The following LMF2 variants were observed in gnomAD, a reference collection of about 807,000 sequenced individuals.
LMF2 encodes the protein lipase maturation factor 2, also known as transmembrane protein 112B.
LMF2 carries 113 observed loss-of-function variants against 81.5 expected under a neutral mutation model. The ratio of observed to expected loss-of-function variants is 1.39; its 90% CI spans 1.19 to 1.62. The LOEUF (loss-of-function observed/expected upper bound fraction) is 1.62. Among genes scored for constraint, LMF2 ranks in the 40% most tolerant of loss-of-function variants. LMF2 has a pLI of 0.00. For missense variants in LMF2, 1,235 were observed against 929.1 expected, an observed-to-expected ratio of 1.33 and a Z score of -4.28; for synonymous variants, 645 against 424.5, an observed-to-expected ratio of 1.52 and a Z score of -6.39.
intron 6 of LMF2, 44 bp downstream of exon 6, chr22:50,505,630 G>T: frequency 6.2e-7 from 1 of 1,611,564 alleles, no homozygotes; most frequent in Non-Finnish European, 8.5e-7. Context: ...GTGTTGGAGG[G>T]GAGAACCCCT....
At position 50,505,496 on chromosome 22, in the gene LMF2, C is replaced by G; in HGVS notation, c.958G>C (p.Glu320Gln). 6.2e-7 allele frequency: 1 copy of G among 1,612,788 alleles called. No homozygotes were observed. Among genetic ancestry groups the G allele is most frequent in the Non-Finnish European group, 8.5e-7 (1 of 1,180,024 alleles). ...ALLATLSLLL[E>Q]LAVYGLLAYG... ...GCCAGAAGCCCGTAGACGGCTAGTT[C>G]CAGCAGCAGCGACAGGGTGGCCAGC... The change falls in exon 7 of 14, where the codon GAA becomes CAA. Residue 320 changes from glutamate (E) to glutamine (Q), a missense_variant. Glu to Gln is a conservative substitution (Grantham distance 29). Transcript: ENST00000474879.
chr22:50,506,689 G>T (rs775873097), intron 2 of LMF2, 23 bp from the exon 3 acceptor site: 1 of 1,613,632 alleles, frequency 6.2e-7, no homozygotes, highest in Non-Finnish European at 8.5e-7. Flanking sequence ...GGGCTGTCAG[G>T]GAGCGGGTGT....
rs751923374 is a variant in LMF2 at position 50,507,667 on chromosome 22, G to T, written c.9C>A (p.Gly3=). Reference sequence around the variant, plus strand: ...GGAAGAGCTGCCGCGGGAGCCGGGAGCCCGCCATGTCCGCTACGCGGCCCG... The same window carrying T: ...GGAAGAGCTGCCGCGGGAGCCGGGATCCCGCCATGTCCGCTACGCGGCCCG... The part of the protein sequence containing the change: MA[G]SRLPRQLFLQ... The change falls in exon 1 of 14, where the codon GGC becomes GGA. Residue 3 remains glycine, a synonymous_variant. Transcript: ENST00000474879. 2 of 1,549,330 alleles carry T rather than the reference G, an allele frequency of 1.3e-6. No homozygotes were observed. The highest frequency in any genetic ancestry group is 2.7e-5 in the African/African-American group (2 of 73,082).
Position 50,505,100 on chromosome 22 carries a change from G to A in LMF2, c.1211C>T (p.Ser404Phe), listed in dbSNP as rs373206674. 8 of 1,612,978 alleles carry A rather than the reference G, an allele frequency of 5.0e-6. No individual in the cohort carries two copies. Among genetic ancestry groups the A allele is most frequent in the Non-Finnish European group, 6.8e-6 (8 of 1,179,996 alleles). ...LRKLSAVVQL[S>F]LVGTATVALF... ...GGCCACGGTCGCAGTGCCCACAAGG[G>A]ACAGTTGGACTACAGCACTGAGCTT... Residue 404 changes from serine to phenylalanine, a missense_variant, in exon 9 of 14, where the codon TCC (serine) becomes TTC (phenylalanine). Transcript: ENST00000474879.
Position 50,503,312 on chromosome 22 carries a change from G to A in LMF2, c.*79C>T, listed in dbSNP as rs2068453784. ...CCTGCAGGGTCAGCTAAGGCACAGT[G>A]GCTGGGTCCTGTCCTGCCGGAGGCC... On this transcript the variant is annotated 3_prime_UTR_variant, in exon 14 of 14. Transcript: ENST00000474879. The A allele has an allele frequency of 2.0e-5, 29 of 1,484,014 alleles. 1 individual carries two copies. In the South Asian group the frequency reaches 3.0e-4, roughly 15 times the overall value. 91.9% of individuals were successfully genotyped at this position (1,484,014 alleles called of 1,614,324 possible).
rs1258479566 is a variant in LMF2 at position 50,505,161 on chromosome 22, C to T, written c.1158-8G>A. Reference sequence around the variant, plus strand: ...CCCCGCACCTGGGTCCACCTGTGGGCAAGGACCCAAGGTCGTCAGGCCGGC... The same window carrying T: ...CCCCGCACCTGGGTCCACCTGTGGGTAAGGACCCAAGGTCGTCAGGCCGGC... On this transcript the variant is annotated splice_region_variant and splice_polypyrimidine_tract_variant and intron_variant, in intron 8 of 13. Coordinates refer to ENST00000474879, the MANE Select transcript of LMF2 (RefSeq NM_033200.3). The T allele has an allele frequency of 3.1e-6, 5 of 1,612,882 alleles. No individual in the cohort carries two copies. The highest frequency in any genetic ancestry group is 4.2e-6 in the Non-Finnish European group (5 of 1,179,906).
rs765467876 is a variant in LMF2 at position 50,505,783 on chromosome 22, G to A, written c.807C>T (p.Gly269=). The A allele has an allele frequency of 8.1e-6, 13 of 1,613,222 alleles. No homozygotes were observed. Among genetic ancestry groups the A allele is most frequent in the Admixed American group, 1.7e-5 (1 of 60,020 alleles). Residue 269 remains glycine, a synonymous_variant, in exon 6 of 14, where the codon GGC becomes GGT. Coordinates refer to ENST00000474879, the MANE Select transcript of LMF2 (RefSeq NM_033200.3). ...TCATCAGGTTGAAGAAGTTGTAGTT[G>A]CCGGTGATGATAATCAGGACCTGCA... ...VLLQVLIIIT[G]NYNFFNLMTL...
chr22:50,506,147 G>C lies in LMF2; in HGVS notation c.662C>G (p.Pro221Arg). ...TPAAWFAHHL[P>R]VWLHKLSVVA... ...CACGCTGAGCTTGTGCAGCCAGACCGGCAGGTGGTGTGCGAACCAGGCGGC... is the reference window on the plus strand; with the variant it reads ...CACGCTGAGCTTGTGCAGCCAGACCCGCAGGTGGTGTGCGAACCAGGCGGC... Residue 221 changes from proline to arginine, a missense_variant, in exon 5 of 14, where the codon CCG (proline) becomes CGG (arginine). Transcript: ENST00000474879. 3 of 1,571,422 alleles carry C rather than the reference G, an allele frequency of 1.9e-6. No individual in the cohort carries two copies. The highest frequency in any genetic ancestry group is 1.2e-5 in the South Asian group (1 of 85,904).
intron 13 of LMF2, 26 bp from the exon 14 acceptor site, chr22:50,503,725 G>A (rs982498266): frequency 2.0e-5 from 32 of 1,580,908 alleles, no homozygotes; most frequent in Non-Finnish European, 2.3e-5. Flanking sequence ...AGGGAGGGAG[G>A]TTGGGGAAGT....
In LMF2 at chr22:50,507,038, G is replaced by C. The variant is rs758796122; in HGVS notation, c.95-3C>G. 1.2e-5 allele frequency: 19 copies of C among 1,587,954 alleles called. No homozygotes were observed. The highest frequency in any genetic ancestry group is 4.5e-5 in the East Asian group (2 of 44,698). Reference sequence around the variant, plus strand: ...GATGCCCTCGGGGCCATACAGGCCTGTGGGAGGGCATGTCATGGCCAGGCC... The same window carrying C: ...GATGCCCTCGGGGCCATACAGGCCTCTGGGAGGGCATGTCATGGCCAGGCC... On this transcript the variant is annotated splice_region_variant and splice_polypyrimidine_tract_variant and intron_variant, in intron 1 of 13. Transcript: ENST00000474879.
At chr22:50,507,204 C>CA in intron 1 of LMF2, 169 bp from the exon 2 acceptor site, 2 of 1,152,360 alleles carry the variant, frequency 1.7e-6, no homozygotes, top group Non-Finnish European at 2.4e-6. Context: ...CGGGACCTGT[C>CA]AAAACCCCGT....
rs532661790 is a variant in LMF2, at chr22:50,503,305, G to A, written c.*86C>T. Reference sequence around the variant, plus strand: ...GCCTGGCCCTGCAGGGTCAGCTAAGGCACAGTGGCTGGGTCCTGTCCTGCC... The same window carrying A: ...GCCTGGCCCTGCAGGGTCAGCTAAGACACAGTGGCTGGGTCCTGTCCTGCC... On this transcript the variant is annotated 3_prime_UTR_variant, in exon 14 of 14. Transcript: ENST00000474879. 2.0e-3 allele frequency: 2,884 copies of A among 1,436,166 alleles called. 46 individuals are homozygous for A. The highest frequency in any genetic ancestry group is 6.6e-4 in the Non-Finnish European group (693 of 1,049,912). The allele number at this position is 1,436,166 out of a possible 1,614,324, so 89.0% of individuals were successfully genotyped here. A position where few individuals can be genotyped will look rare whatever the true frequency, so the allele number is the denominator to read the frequency against.
rs768214132 is a variant in LMF2 at position 50,507,634 on chromosome 22, G to A, written c.42C>T (p.Gly14=). ...SRLPRQLFLQ[G]VAAVFMFAFA... ...AAGCAAACATGAAGACGGCCGCCAC[G>A]CCCTGGAGGAAGAGCTGCCGCGGGA... Residue 14 remains glycine, a synonymous_variant, in exon 1 of 14, where the codon GGC becomes GGT. Transcript: ENST00000474879. The A allele has an allele frequency of 4.6e-5, 71 of 1,556,174 alleles. No homozygotes were observed. The highest frequency in any genetic ancestry group is 6.1e-5 in the Non-Finnish European group (70 of 1,150,728).
Position 50,505,297 on chromosome 22 carries a change from T to G in LMF2, c.1089A>C (p.Thr363=), listed in dbSNP as rs2068529105. 7 of 1,613,138 alleles carry G rather than the reference T, an allele frequency of 4.3e-6. No individual in the cohort carries two copies. The highest frequency in any genetic ancestry group is 5.9e-6 in the Non-Finnish European group (7 of 1,180,012). The change falls in exon 8 of 14, where the codon ACA becomes ACC. Residue 363 remains threonine, a synonymous_variant. Coordinates refer to ENST00000474879, the MANE Select transcript of LMF2 (RefSeq NM_033200.3). The part of the protein sequence containing the change: ...TFHQFSQWLK[T]LTLPTVWLGV... ...CCAGCCACACAGTGGGCAGCGTCAG[T>G]GTCTTCAGCCACTGAGAAAACTGGT...
At position 50,507,041 on chromosome 22, in the gene LMF2, G is replaced by A. The variant is rs532182397; in HGVS notation, c.95-6C>T. On this transcript the variant is annotated splice_region_variant and splice_polypyrimidine_tract_variant and intron_variant, in intron 1 of 13. Transcript: ENST00000474879. ...GCCCTCGGGGCCATACAGGCCTGTG[G>A]GAGGGCATGTCATGGCCAGGCCCTG... 4.4e-6 allele frequency: 7 copies of A among 1,587,106 alleles called. No homozygotes were observed. Among genetic ancestry groups the A allele is most frequent in the Admixed American group, 1.7e-5 (1 of 58,952 alleles).
At position 50,504,997 on chromosome 22, in the gene LMF2, G is replaced by A. The variant is rs769018674; in HGVS notation, c.1255-13C>T. 3.4e-5 allele frequency: 55 copies of A among 1,610,570 alleles called. No individual in the cohort carries two copies. Among genetic ancestry groups the A allele is most frequent in the Non-Finnish European group, 4.1e-5 (48 of 1,178,366 alleles). ...AGGAGTACGGCACCTGGAGACAGGT[G>A]GGAGGTTCTCAGGGCTGCCCTGCCC... On this transcript the variant is annotated splice_polypyrimidine_tract_variant and intron_variant, in intron 9 of 13. Coordinates refer to ENST00000474879, the MANE Select transcript of LMF2 (RefSeq NM_033200.3).
In LMF2 at chr22:50,503,708, G is replaced by C; in HGVS notation, c.1816-9C>G. 5 of 1,567,738 alleles carry C rather than the reference G, an allele frequency of 3.2e-6. No homozygotes were observed. Among genetic ancestry groups the C allele is most frequent in the Non-Finnish European group, 4.3e-6 (5 of 1,155,014 alleles). On this transcript the variant is annotated splice_polypyrimidine_tract_variant and intron_variant, in intron 13 of 13. Transcript: ENST00000474879. ...CGAGGTGGGCTTTTCTCCTGTGGGAGGGAGGGAGGGAGGGAGGTTGGGGAA... is the reference window on the plus strand; with the variant it reads ...CGAGGTGGGCTTTTCTCCTGTGGGACGGAGGGAGGGAGGGAGGTTGGGGAA...
In LMF2 at chr22:50,503,979, C is replaced by T. The variant is rs2068477432; in HGVS notation, c.1719-75G>A. The T allele has an allele frequency of 3.3e-5, 44 of 1,347,752 alleles. No individual in the cohort carries two copies. The South Asian group carries it at 4.8e-4, about 15-fold the overall frequency. 83.5% of individuals were successfully genotyped at this position (1,347,752 alleles called of 1,614,324 possible). A position where few individuals can be genotyped will look rare whatever the true frequency, so the allele number is the denominator to read the frequency against. ...CCCCATCGCCAGTGCCCAGCCTTAC[C>T]CCTGCTCCTCAGCTCCTCACGCTCC... is the stretch of plus-strand genomic sequence containing the variant. On this transcript the variant is annotated intron_variant, in intron 12 of 13. Coordinates refer to ENST00000474879, the MANE Select transcript of LMF2 (RefSeq NM_033200.3).
At position 50,506,366 on chromosome 22, in the gene LMF2, G is replaced by A. The variant is rs1017594736; in HGVS notation, c.514C>T (p.Arg172Ter). The A allele has an allele frequency of 4.5e-6, 7 of 1,549,544 alleles. No individual in the cohort carries two copies. Among genetic ancestry groups the A allele is most frequent in the Middle Eastern group, 1.7e-4 (1 of 5,992 alleles). The change falls in exon 4 of 14, where the codon CGA (arginine) becomes TGA (stop). Residue 172 changes from arginine (R) to a stop codon, truncating the protein, a stop_gained. Coordinates refer to ENST00000474879, the MANE Select transcript of LMF2 (RefSeq NM_033200.3). LOFTEE classifies it high-confidence loss of function. ...PHEDLPFWLV[R>*]WLLFRLMFAS... ...AACATGAGGCGGAACAGCAGCCATC[G>A]CACCAGCCAGAAGGGGAGGTCTTCG...
Sources: gnomAD v4.1 joint callset for allele counts on GRCh38, gnomAD v4.1.1 for gene constraint, MANE v1.5 for transcripts, NCBI Gene and HGNC (gene_info 2026-07-23, HGNC 2026-07-21) for gene names.